RIMS1: variants seen among roughly 807,000 people sequenced by gnomAD.
The protein encoded by RIMS1 is regulating synaptic membrane exocytosis 1.
A neutral mutation model predicts 214.1 loss-of-function variants in RIMS1; 83 were observed. The observed-to-expected ratio is 0.39, with a 90% confidence interval of 0.32 to 0.47. The LOEUF (loss-of-function observed/expected upper bound fraction) is 0.47. RIMS1 is among the 20% of genes least tolerant of loss of function. The probability of loss-of-function intolerance (pLI) is 0.99; values close to 1 mark genes in which losing one functional copy is unlikely to be tolerated. For missense variants in RIMS1, 2,050 were observed against 2,161.8 expected (o/e 0.95, Z 1.03); for synonymous variants, 793 against 786.8 (o/e 1.01, Z -0.13).
chr6:72,079,370 A>G (rs1241432368), intron 2 of RIMS1, among the ~76,000 whole-genome samples: 3 of 152,174 alleles, frequency 2.0e-5, no homozygotes, highest in African/African-American at 4.8e-5. Flanking sequence ...GATGCTGGGT[A>G]GGTGTCAGGT....
chr6:71,994,438 C>T (rs757203691), intron 2 of RIMS1, among the ~76,000 whole-genome samples: 2 of 152,044 alleles, frequency 1.3e-5, no homozygotes, highest in African/African-American at 2.4e-5. Flanking sequence ...AAAGTAGCTG[C>T]CCTCAAGAAG....
At chr6:72,174,413 CA>C (rs2047436554) in intron 4 of RIMS1, among the ~76,000 whole-genome samples, 1 of 152,054 alleles carries the variant, frequency 6.6e-6, no homozygotes, top group Non-Finnish European at 1.5e-5. Flanking sequence ...AGCTATTTTG[CA>C]AATTATACAG....
chr6:71,941,792 A>G (rs1786237441), intron 1 of RIMS1, among the ~76,000 whole-genome samples: 1 of 152,200 alleles, frequency 6.6e-6, no homozygotes, highest in Non-Finnish European at 1.5e-5. Flanking sequence ...CAGAACTCAT[A>G]CATTACAGCT....
intron 4 of RIMS1, among the ~76,000 whole-genome samples, chr6:72,124,936 C>G (rs111953975): frequency 3.9e-5 from 6 of 152,248 alleles, no homozygotes; most frequent in African/African-American, 1.4e-4. Context: ...CCTCCTTTAG[C>G]TCGAAGAAGT....
At chr6:72,117,519 A>G (rs1461270943) in intron 4 of RIMS1, among the ~76,000 whole-genome samples, 1 of 151,990 alleles carries the variant, frequency 6.6e-6, no homozygotes, top group African/African-American at 2.4e-5. Flanking sequence ...ACATTCTCCA[A>G]GATAGACCAA....
intron 1 of RIMS1, among the ~76,000 whole-genome samples, chr6:71,961,864 G>T (rs1583564996): frequency 6.6e-6 from 1 of 152,100 alleles, no homozygotes; most frequent in South Asian, 2.1e-4. Context: ...GCAGCACACG[G>T]TTTTTGGAGA....
intron 33 of RIMS1, among the ~76,000 whole-genome samples, chr6:72,400,134 T>G (rs955472492): frequency 1.3e-5 from 2 of 152,190 alleles, no homozygotes; most frequent in Non-Finnish European, 2.9e-5. Flanking sequence ...TTTTAATTTT[T>G]AGATTTTTAT....
At chr6:72,399,752 A>G (rs2789601) in intron 33 of RIMS1, among the ~76,000 whole-genome samples, 9 of 151,972 alleles carry the variant, frequency 5.9e-5, no homozygotes, top group East Asian at 3.9e-4. Flanking sequence ...TTCACCACCA[A>G]CTCTGCTTGT....
At chr6:71,887,634 T>G (rs1768202296) in intron 1 of RIMS1, among the ~76,000 whole-genome samples, 1 of 152,146 alleles carries the variant, frequency 6.6e-6, no homozygotes, top group South Asian at 2.1e-4. Flanking sequence ...GTTTAGCTGG[T>G]CGGGGTTACC....
chr6:72,159,046 C>T (rs1251871526), intron 4 of RIMS1, among the ~76,000 whole-genome samples: 3 of 140,784 alleles, frequency 2.1e-5, no homozygotes, highest in Non-Finnish European at 4.8e-5. Flanking sequence ...TCTCCACATC[C>T]TCTCCAGCAC....
chr6:71,979,850 A>G (rs952736632), intron 2 of RIMS1, among the ~76,000 whole-genome samples: 3 of 152,106 alleles, frequency 2.0e-5, no homozygotes, highest in Non-Finnish European at 4.4e-5. Flanking sequence ...CTTGATTTAG[A>G]ATCACTGATA....
At chr6:72,086,745 C>T (rs1834756595) in intron 2 of RIMS1, among the ~76,000 whole-genome samples, 1 of 152,032 alleles carries the variant, frequency 6.6e-6, no homozygotes, top group Non-Finnish European at 1.5e-5. Context: ...GTGAGAGATG[C>T]TAATAGATAA....
At chr6:72,136,149 T>C (rs2041242558) in intron 4 of RIMS1, among the ~76,000 whole-genome samples, 1 of 152,118 alleles carries the variant, frequency 6.6e-6, no homozygotes, top group East Asian at 1.9e-4. Flanking sequence ...ATAAGATAAA[T>C]ATATGATATT....
intron 29 of RIMS1, among the ~76,000 whole-genome samples, chr6:72,350,129 T>C (rs2097395074): frequency 6.6e-6 from 1 of 152,164 alleles, no homozygotes; most frequent in Admixed American, 6.6e-5. Context: ...TTGAAAAGTA[T>C]ATTTTTGTGG....
At chr6:72,278,931 T>C (rs564510441) in intron 23 of RIMS1, among the ~76,000 whole-genome samples, 6 of 152,164 alleles carry the variant, frequency 3.9e-5, no homozygotes, top group African/African-American at 1.2e-4. Flanking sequence ...TAAGCCAAAA[T>C]ATAGACATAT....
intron 22 of RIMS1, among the ~76,000 whole-genome samples, chr6:72,266,788 G>C (rs915129457): frequency 6.6e-6 from 1 of 151,954 alleles, no homozygotes; most frequent in Admixed American, 6.6e-5. Flanking sequence ...AATTTTAATA[G>C]ACTTAGTTAT....
chr6:72,028,422 T>C (rs1817154899), intron 2 of RIMS1, among the ~76,000 whole-genome samples: 1 of 152,206 alleles, frequency 6.6e-6, no homozygotes, highest in African/African-American at 2.4e-5. Flanking sequence ...CCTAAGAATT[T>C]GAAAATATAT....
At chr6:72,292,383 A>ATT (rs1440947892) in intron 26 of RIMS1, among the ~76,000 whole-genome samples, 12 of 152,176 alleles carry the variant, frequency 7.9e-5, no homozygotes, top group Non-Finnish European at 1.8e-4. Context: ...TTAAAAGAAT[A>ATT]TTTTATCTTT....
chr6:72,194,858 G>T lies in RIMS1; in HGVS notation c.1678+11709G>T, dbSNP rs117890230. On this transcript the variant is annotated intron_variant, in intron 6 of 33. Coordinates refer to ENST00000521978, the MANE Select transcript of RIMS1 (RefSeq NM_014989.7). ...TTTACAAGTGATTGCCATTCATACT[G>T]CTATTGCCAGGTGAGAAAAATTGGG... Among the ~76,000 whole-genome samples the T allele has an allele frequency of 2.3e-3, 348 of 152,204 alleles. 2 individuals carry two copies. The highest frequency in any genetic ancestry group is 0.013 in the South Asian group (61 of 4,820).
Sources: gnomAD v4.1 joint callset for allele counts (sites outside exome capture counted in the v4.1 genomes callset) on GRCh38, gnomAD v4.1.1 for gene constraint, MANE v1.5 for transcripts, NCBI Gene and HGNC (gene_info 2026-07-23, HGNC 2026-07-21) for gene names.